Variants in AKAP7 observed in about 807,000 individuals in gnomAD.
The protein encoded by AKAP7 is A kinase (PRKA) anchor protein 7.
In AKAP7, 39 loss-of-function variants were observed where a neutral mutation model predicts 39.5. The ratio of observed to expected loss-of-function variants is 0.99; its 90% confidence interval spans 0.76 to 1.29. The LOEUF (loss-of-function observed/expected upper bound fraction) is 1.29. AKAP7 is among the 50% of genes most tolerant of loss of function. The pLI is 0.00. For missense variants in AKAP7, 414 were observed against 407.7 expected, an observed-to-expected ratio of 1.02 and a Z score of -0.13; for synonymous variants, 140 against 139.1, an observed-to-expected ratio of 1.01 and a Z score of -0.05.
At chr6:131,134,794 GTTA>G (rs1410315974), upstream of AKAP7, among the ~76,000 whole-genome samples, 2 of 152,196 alleles carry the variant, frequency 1.3e-5, no homozygotes, top group Admixed American at 6.5e-5. Flanking sequence ...TAAGCGAAGT[GTTA>G]TTATTCACGA....
chr6:131,281,392 A>C lies in AKAP7; in HGVS notation c.851-138A>C. 2 of 627,174 alleles carry C rather than the reference A, an allele frequency of 3.2e-6. 1 individual carries two copies. The highest frequency in any genetic ancestry group is 7.8e-5 in the South Asian group (2 of 25,564). 38.9% of individuals were successfully genotyped at this position (627,174 alleles called of 1,614,324 possible). The stretch of plus-strand genomic sequence containing the variant: ...CTGCTTCTGCAAATACCAAATGAAA[A>C]GCCAACCCACTGTTCTTGAATTTAT... On this transcript the variant is annotated intron_variant, in intron 7 of 7. Coordinates refer to ENST00000431975, the MANE Select transcript of AKAP7 (RefSeq NM_016377.4). The surrounding 1 kb of genome is among the most constrained non-coding windows in gnomAD (Gnocchi z 4.0).
chr6:131,193,432 G>T (rs1190795), intron 5 of AKAP7, among the ~76,000 whole-genome samples: 22,698 of 151,842 alleles, frequency 0.15, 2,109 homozygotes, highest in Middle Eastern at 0.23. Flanking sequence ...ATCTCATTTG[G>T]TCATGATAAA....
At chr6:131,278,046 G>A (rs3777497) in intron 7 of AKAP7, among the ~76,000 whole-genome samples, 5,326 of 152,210 alleles carry the variant, frequency 0.035, 262 homozygotes, top group East Asian at 0.18. Context: ...TTGGTGTGCT[G>A]TCCTTATAGG....
chr6:131,264,768 C>G (rs1293690895), intron 7 of AKAP7, among the ~76,000 whole-genome samples: 2 of 152,172 alleles, frequency 1.3e-5, no homozygotes, highest in Non-Finnish European at 2.9e-5. Context: ...AAGCACGGTG[C>G]TAGCATCTGC....
chr6:131,271,365 T>A (rs1408332957), intron 7 of AKAP7, among the ~76,000 whole-genome samples: 1 of 152,196 alleles, frequency 6.6e-6, no homozygotes, highest in East Asian at 1.9e-4. Flanking sequence ...GCCATACGTG[T>A]GTGAGTCTAG....
At chr6:131,147,120 A>G (rs779182905) in intron 2 of AKAP7, among the ~76,000 whole-genome samples, 2 of 152,238 alleles carry the variant, frequency 1.3e-5, no homozygotes, top group Admixed American at 6.5e-5. Context: ...TGAACTATTC[A>G]GTGCTCTTGA....
intron 7 of AKAP7, chr6:131,253,228 T>TATTG: frequency 1.1e-6 from 1 of 887,754 alleles, no homozygotes; most frequent in Non-Finnish European, 1.7e-6. Flanking sequence ...TGTTTTAGTC[T>TATTG]ATTGATAGCA....
chr6:131,204,748 C>T (rs1439722087), intron 6 of AKAP7, among the ~76,000 whole-genome samples: 1 of 152,086 alleles, frequency 6.6e-6, no homozygotes, highest in Non-Finnish European at 1.5e-5. Context: ...GGGCAGCCAC[C>T]GGATTCAGAA....
At chr6:131,260,374 C>A (rs1484976163) in intron 7 of AKAP7, among the ~76,000 whole-genome samples, 1 of 152,176 alleles carries the variant, frequency 6.6e-6, no homozygotes, top group Non-Finnish European at 1.5e-5. Flanking sequence ...TTTGAGGAAT[C>A]TCCACACTGT....
chr6:131,247,451 G>C (rs1461978744), intron 7 of AKAP7, among the ~76,000 whole-genome samples: 2 of 148,698 alleles, frequency 1.3e-5, no homozygotes, highest in Non-Finnish European at 1.5e-5. Context: ...TCAGCCTCCC[G>C]AGTAGCTGGG....
At chr6:131,162,635 G>A (rs1005108874) in intron 3 of AKAP7, among the ~76,000 whole-genome samples, 6 of 152,146 alleles carry the variant, frequency 3.9e-5, no homozygotes, top group African/African-American at 1.2e-4. Flanking sequence ...CTGAGGTTTT[G>A]TCGTTGTTCG....
chr6:131,217,045 A>G (rs560385142), intron 6 of AKAP7, among the ~76,000 whole-genome samples: 52 of 152,344 alleles, frequency 3.4e-4, no homozygotes, highest in Admixed American at 3.2e-3. Flanking sequence ...TTGATAGTTA[A>G]GTAATAGTGC....
chr6:131,253,057 T>A (rs1812565644), intron 7 of AKAP7: 1 of 1,613,618 alleles, frequency 6.2e-7, no homozygotes, highest in Admixed American at 1.7e-5. Context: ...AAGCTCGTCC[T>A]CTGCAGTCCT....
intron 2 of AKAP7, among the ~76,000 whole-genome samples, chr6:131,157,322 C>T (rs1213184583): frequency 6.6e-6 from 1 of 152,164 alleles, no homozygotes; most frequent in Non-Finnish European, 1.5e-5. Context: ...TAAAATCACA[C>T]AGTCACACAG....
chr6:131,280,602 G>C lies in AKAP7; in HGVS notation c.851-928G>C, dbSNP rs185215986. ...CAAAACTGAGCTGATCTTAATGTGC[G>C]AGCATCCTGTGACTTCTTTGCTTCC... On this transcript the variant is annotated intron_variant, in intron 7 of 7. Transcript: ENST00000431975. 1.2e-4 allele frequency among the ~76,000 whole-genome samples: 19 copies of C among 152,292 alleles called. No individual in the cohort carries two copies. The East Asian group carries it at 3.7e-3, about 29-fold the overall frequency.
chr6:131,272,277 A>G lies in AKAP7; in HGVS notation c.851-9253A>G, dbSNP rs138797813. On this transcript the variant is annotated intron_variant, in intron 7 of 7. Transcript: ENST00000431975. The stretch of plus-strand genomic sequence containing the variant: ...TATTTTTTGTTTCTGATCAGTCTGG[A>G]TACAGTTTTATCAATTTTATAGATT... 8.7e-3 allele frequency among the ~76,000 whole-genome samples: 1,317 copies of G among 152,072 alleles called. 19 individuals carry two copies. Among genetic ancestry groups the G allele is most frequent in the African/African-American group, 0.03 (1,251 of 41,496 alleles).
rs145356171 is a variant in AKAP7, at chr6:131,160,628, G to A, written c.291+430G>A. ...ATTTTATCTGAGGGAACTTTTGGAA[G>A]TAGAGAGAAATGACCAGTTGAAAAA... On this transcript the variant is annotated intron_variant, in intron 3 of 7. Coordinates refer to ENST00000431975, the MANE Select transcript of AKAP7 (RefSeq NM_016377.4). 2.6e-5 allele frequency among the ~76,000 whole-genome samples: 4 copies of A among 152,346 alleles called. No homozygotes were observed. In the East Asian group the frequency reaches 7.7e-4, roughly 29 times the overall value.
Position 131,281,922 on chromosome 6 carries a change from C to T in AKAP7, c.*196C>T, listed in dbSNP as rs1815232015. On this transcript the variant is annotated 3_prime_UTR_variant, in exon 8 of 8. Coordinates refer to ENST00000431975, the MANE Select transcript of AKAP7 (RefSeq NM_016377.4). This position sits in a 1 kb window ranked among gnomAD's most constrained non-coding sequence, Gnocchi z 4.0. ...AAGAAAAATGGAGTGCTGGGACTGG[C>T]AGAGGAAATTAATTGATGAAAGAAG... 1 of 1,239,544 alleles carries T rather than the reference C, an allele frequency of 8.1e-7. No homozygotes were observed. The highest frequency in any genetic ancestry group is 1.0e-6 in the Non-Finnish European group (1 of 990,326). 76.8% of individuals were successfully genotyped at this position (1,239,544 alleles called of 1,614,324 possible).
At chr6:131,220,284 G>C (rs927597465) in intron 7 of AKAP7, among the ~76,000 whole-genome samples, 1 of 152,170 alleles carries the variant, frequency 6.6e-6, no homozygotes, top group Non-Finnish European at 1.5e-5. Context: ...AAGATGTTTT[G>C]AGGGGAGGCA....
Sources: gnomAD v4.1 joint callset for allele counts (sites outside exome capture counted in the v4.1 genomes callset) on GRCh38, gnomAD v4.1.1 for gene constraint, Gnocchi (gnomAD v3.1) non-coding constraint, MANE v1.5 for transcripts, NCBI Gene and HGNC (gene_info 2026-07-23, HGNC 2026-07-21) for gene names.